The following GNAO1 variants were observed in gnomAD, a reference collection of about 807,000 sequenced individuals.
GNAO1 encodes the protein G protein subunit alpha o1.
For synonymous variants in GNAO1, 164 were observed against 180.7 expected (o/e 0.91, Z 0.74); for missense variants, 166 against 478.7 (o/e 0.35, Z 6.10).
intron 6 of GNAO1, among the ~76,000 whole-genome samples, chr16:56,341,848 C>CA (rs1169632578): frequency 6.6e-6 from 1 of 152,198 alleles, no homozygotes; most frequent in Non-Finnish European, 1.5e-5. Context: ...AGACCCTGTC[C>CA]AGAGAAGTGA....
chr16:56,227,378 T>C (rs2036541486), intron 2 of GNAO1, among the ~76,000 whole-genome samples: 1 of 152,092 alleles, frequency 6.6e-6, no homozygotes, highest in African/African-American at 2.4e-5. Context: ...GCTTCATCCT[T>C]GCACCTCAGG....
chr16:56,325,407 C>G (rs1359700043), intron 3 of GNAO1, among the ~76,000 whole-genome samples: 1 of 152,144 alleles, frequency 6.6e-6, no homozygotes, highest in African/African-American at 2.4e-5. Context: ...ACCCAGGAGG[C>G]GGAGGTTGTG....
intron 4 of GNAO1, among the ~76,000 whole-genome samples, chr16:56,329,955 T>C (rs1320824750): frequency 6.6e-6 from 1 of 152,122 alleles, no homozygotes; most frequent in Non-Finnish European, 1.5e-5. Flanking sequence ...CAAACATCCA[T>C]AGTGCCAAGA....
intron 3 of GNAO1, among the ~76,000 whole-genome samples, chr16:56,291,599 C>T (rs1245827993): frequency 6.6e-6 from 1 of 152,156 alleles, no homozygotes; most frequent in African/African-American, 2.4e-5. Context: ...CCTCATTCTG[C>T]CCTTGCCTCT....
chr16:56,336,208 C>A (rs8055350), intron 5 of GNAO1, among the ~76,000 whole-genome samples: 6,634 of 152,312 alleles, frequency 0.044, 474 homozygotes, highest in African/African-American at 0.15. Flanking sequence ...GGTGAGAGCG[C>A]CAGCTTTGTC....
chr16:56,224,508 C>T (rs148236427), intron 2 of GNAO1, among the ~76,000 whole-genome samples: 6,581 of 152,216 alleles, frequency 0.043, 319 homozygotes, highest in African/African-American at 0.11. Flanking sequence ...GGCAGAGTCT[C>T]ACTCTGTCAC....
At chr16:56,321,085 C>T (rs116350826) in intron 3 of GNAO1, among the ~76,000 whole-genome samples, 2,115 of 152,268 alleles carry the variant, frequency 0.014, 46 homozygotes, top group African/African-American at 0.049. Context: ...AAGAGAGGAG[C>T]GGGCTCAGAA....
chr16:56,304,997 C>A (rs1208456088), intron 3 of GNAO1, among the ~76,000 whole-genome samples: 1 of 152,234 alleles, frequency 6.6e-6, no homozygotes, highest in African/African-American at 2.4e-5. Context: ...ATTCTGCTCC[C>A]CCTGTGACAT....
At chr16:56,317,515 G>A (rs765662832) in intron 3 of GNAO1, among the ~76,000 whole-genome samples, 14 of 152,274 alleles carry the variant, frequency 9.2e-5, no homozygotes, top group Admixed American at 1.3e-4. Flanking sequence ...GGTGGGAGGC[G>A]AGTTGGATCA....
chr16:56,276,113 G>T, intron 3 of GNAO1, 41 bp downstream of exon 3: 1 of 1,577,024 alleles, frequency 6.3e-7, no homozygotes, highest in Non-Finnish European at 8.7e-7. Context: ...AAGAGGTTCT[G>T]TCTGTGTTAC....
intron 2 of GNAO1, among the ~76,000 whole-genome samples, chr16:56,199,950 C>G (rs2143297121): frequency 6.6e-6 from 1 of 152,292 alleles, no homozygotes; most frequent in Admixed American, 6.5e-5. Flanking sequence ...ATTTGTCAAC[C>G]ATCCTAGAAA....
chr16:56,303,685 C>T (rs528936763), intron 3 of GNAO1, among the ~76,000 whole-genome samples: 2 of 152,326 alleles, frequency 1.3e-5, no homozygotes, highest in African/African-American at 2.4e-5. Context: ...ATGATCACAT[C>T]TAAAGGGTGA....
At chr16:56,297,911 A>G (rs995753080) in intron 3 of GNAO1, among the ~76,000 whole-genome samples, 9 of 152,234 alleles carry the variant, frequency 5.9e-5, no homozygotes, top group African/African-American at 2.2e-4. Context: ...GCTCACGCCC[A>G]TAATCCCAGC....
At chr16:56,262,824 C>T (rs534873259) in intron 2 of GNAO1, among the ~76,000 whole-genome samples, 5 of 152,324 alleles carry the variant, frequency 3.3e-5, no homozygotes, top group Admixed American at 6.5e-5. Flanking sequence ...TTGCCTCACT[C>T]GTGCCGCTTT....
chr16:56,192,519 CT>C (rs2036186691), intron 1 of GNAO1, 54 bp from the exon 2 acceptor site: 4 of 1,171,612 alleles, frequency 3.4e-6, no homozygotes, highest in Admixed American at 3.4e-5. Flanking sequence ...CCCCCTCCCC[CT>C]GTTCCCTTAA....
intron 2 of GNAO1, among the ~76,000 whole-genome samples, chr16:56,196,358 C>G (rs537442877): frequency 6.6e-6 from 1 of 152,156 alleles, no homozygotes; most frequent in Non-Finnish European, 1.5e-5. Flanking sequence ...ACAGCCTCAT[C>G]ATTTTGTAGT....
intron 2 of GNAO1, among the ~76,000 whole-genome samples, chr16:56,273,002 A>G (rs530965141): frequency 6.6e-6 from 1 of 152,354 alleles, no homozygotes; most frequent in South Asian, 2.1e-4. Context: ...TCTAGGTACC[A>G]GTTGCCTTTC....
intron 3 of GNAO1, among the ~76,000 whole-genome samples, chr16:56,277,239 T>G (rs1248007882): frequency 1.3e-5 from 2 of 152,198 alleles, no homozygotes; most frequent in African/African-American, 4.8e-5. Flanking sequence ...CCTGGGCCCA[T>G]CTGCCGCTCC....
chr16:56,272,213 G>A (rs2037024290), intron 2 of GNAO1, among the ~76,000 whole-genome samples: 1 of 152,144 alleles, frequency 6.6e-6, no homozygotes, highest in African/African-American at 2.4e-5. Context: ...GGAGGCTGAG[G>A]CAGGAGAATG....
Sources: gnomAD v4.1 joint callset for allele counts (sites outside exome capture counted in the v4.1 genomes callset) on GRCh38, gnomAD v4.1.1 for gene constraint, MANE v1.5 for transcripts, NCBI Gene and HGNC (gene_info 2026-07-23, HGNC 2026-07-21) for gene names.